The following RFTN1 variants were observed in gnomAD, a reference collection of about 807,000 sequenced individuals.
RFTN1 encodes raftlin.
In RFTN1, 26 loss-of-function variants were observed where a neutral mutation model predicts 46.5. That is an observed-to-expected ratio of 0.56 (90% CI 0.41 to 0.78). The LOEUF is 0.78. Among genes scored for constraint, RFTN1 ranks in the 30% least tolerant of loss-of-function variants. RFTN1 has a pLI of 0.00. For missense variants in RFTN1, 693 were observed against 718.7 expected (o/e 0.96, Z 0.41); for synonymous variants, 261 against 284.2 (o/e 0.92, Z 0.82).
chr3:16,371,029 C>A (rs2073478036), intron 5 of RFTN1: 1 of 152,242 alleles, frequency 6.6e-6, no homozygotes, highest in Non-Finnish European at 1.5e-5. Context: ...GCAGTAGCAG[C>A]CTCCAGAAGC....
Position 16,421,376 on chromosome 3 carries a change from G to A in RFTN1, c.333-11893C>T, listed in dbSNP as rs975823397. Among the ~76,000 whole-genome samples the A allele has an allele frequency of 4.0e-5, 6 of 151,120 alleles. No individual in the cohort carries two copies. Among genetic ancestry groups the A allele is most frequent in the Admixed American group, 3.3e-4 (5 of 15,202 alleles). On this transcript the variant is annotated intron_variant, in intron 3 of 9. Coordinates refer to ENST00000334133, the MANE Select transcript of RFTN1 (RefSeq NM_015150.2). This position sits in a 1 kb window ranked among gnomAD's most constrained non-coding sequence, Gnocchi z 4.6. ...TTTTTTTTCTTTTCTTTTTGAGATG[G>A]TGTCTCACTCTGTCGCCCAGGCTGG...
In RFTN1 at chr3:16,480,040, G is replaced by A. The variant is rs1226101524; in HGVS notation, c.145+13685C>T. Among the ~76,000 whole-genome samples the A allele has an allele frequency of 1.3e-5, 2 of 152,188 alleles. No individual in the cohort carries two copies. The highest frequency in any genetic ancestry group is 2.9e-5 in the Non-Finnish European group (2 of 68,040). ...TTTCAGACGCTGTTTCCTACATTGA[G>A]AGACCTTACTATCTTGTTCACCATT... On this transcript the variant is annotated intron_variant, in intron 2 of 9. Transcript: ENST00000334133. This position sits in a 1 kb window ranked among gnomAD's most constrained non-coding sequence, Gnocchi z 4.3.
At position 16,468,146 on chromosome 3, in the gene RFTN1, T is replaced by C. The variant is rs1192325258; in HGVS notation, c.145+25579A>G. Among the ~76,000 whole-genome samples the C allele has an allele frequency of 6.6e-6, 1 of 152,222 alleles. No homozygotes were observed. Among genetic ancestry groups the C allele is most frequent in the East Asian group, 1.9e-4 (1 of 5,200 alleles). On this transcript the variant is annotated intron_variant, in intron 2 of 9. Coordinates refer to ENST00000334133, the MANE Select transcript of RFTN1 (RefSeq NM_015150.2). This position sits in a 1 kb window ranked among gnomAD's most constrained non-coding sequence, Gnocchi z 4.4. Reference sequence around the variant, plus strand: ...GAATGATAACAGGGTGAGCTATATTTATATCCCACGGCTGGTGATGCCTCA... The same window carrying C: ...GAATGATAACAGGGTGAGCTATATTCATATCCCACGGCTGGTGATGCCTCA...
chr3:16,432,850 G>A (rs944187788), intron 3 of RFTN1, among the ~76,000 whole-genome samples: 1 of 152,150 alleles, frequency 6.6e-6, no homozygotes, highest in Non-Finnish European at 1.5e-5. Flanking sequence ...TGTAGAGTAA[G>A]AGCCCCAGAG....
rs1482857586 is a variant in RFTN1 at position 16,383,625 on chromosome 3, T to C, written c.442-5523A>G. ...ATGTCCAAAATGAATACCATGTTGC[T>C]AATGATAAGTGCGATATATACTCTA... is the stretch of plus-strand genomic sequence containing the variant. On this transcript the variant is annotated intron_variant, in intron 4 of 9. Coordinates refer to ENST00000334133, the MANE Select transcript of RFTN1 (RefSeq NM_015150.2). The surrounding 1 kb of genome is among the most constrained non-coding windows in gnomAD (Gnocchi z 4.0). Among the ~76,000 whole-genome samples, 1 of 152,240 alleles carries C rather than the reference T, an allele frequency of 6.6e-6. No homozygotes were observed. Among genetic ancestry groups the C allele is most frequent in the Non-Finnish European group, 1.5e-5 (1 of 68,042 alleles).
intron 7 of RFTN1, among the ~76,000 whole-genome samples, chr3:16,333,813 A>C (rs1159972239): frequency 6.6e-6 from 1 of 152,240 alleles, no homozygotes; most frequent in Admixed American, 6.5e-5. Flanking sequence ...AGATCACAGA[A>C]GATTCAAACA....
intron 7 of RFTN1, among the ~76,000 whole-genome samples, chr3:16,333,913 C>T (rs982471046): frequency 7.2e-5 from 11 of 152,222 alleles, no homozygotes; most frequent in African/African-American, 1.7e-4. Flanking sequence ...CGCCTGTAAT[C>T]CCAGCACTTT....
rs1269065863 is a variant in RFTN1 at position 16,351,276 on chromosome 3, G to A, written c.1146+6656C>T. On this transcript the variant is annotated intron_variant, in intron 7 of 9. Coordinates refer to ENST00000334133, the MANE Select transcript of RFTN1 (RefSeq NM_015150.2). The surrounding 1 kb of genome is among the most constrained non-coding windows in gnomAD (Gnocchi z 5.4). ...CGCCAAGGACTGTGTCCTTGATCCA[G>A]TCTGTTTGCCATTGAGACCAGTCAG... Among the ~76,000 whole-genome samples the A allele has an allele frequency of 6.6e-6, 1 of 152,190 alleles. No individual in the cohort carries two copies. Among genetic ancestry groups the A allele is most frequent in the African/African-American group, 2.4e-5 (1 of 41,438 alleles).
In RFTN1 at chr3:16,351,329, G is replaced by T. The variant is rs75859147; in HGVS notation, c.1146+6603C>A. ...GCCTCCATACATATGAAGCCTTCAG[G>T]GAAGCCAAGGCTGGAAGATCCCCAG... is the stretch of plus-strand genomic sequence containing the variant. On this transcript the variant is annotated intron_variant, in intron 7 of 9. Transcript: ENST00000334133. The surrounding 1 kb of genome is among the most constrained non-coding windows in gnomAD (Gnocchi z 5.4). Among the ~76,000 whole-genome samples the T allele has an allele frequency of 0.016, 2,366 of 152,244 alleles. 55 individuals are homozygous for T. The highest frequency in any genetic ancestry group is 0.055 in the African/African-American group (2,271 of 41,514).
At chr3:16,432,682 AAAAG>A in intron 3 of RFTN1, among the ~76,000 whole-genome samples, 2 of 152,296 alleles carry the variant, frequency 1.3e-5, no homozygotes, top group Admixed American at 1.3e-4. Flanking sequence ...ACAGAAAAAA[AAAAG>A]AGAGAGAGAG....
intron 4 of RFTN1, among the ~76,000 whole-genome samples, chr3:16,393,005 A>C (rs1310084275): frequency 6.6e-6 from 1 of 152,186 alleles, no homozygotes; most frequent in Admixed American, 6.5e-5. Flanking sequence ...TTGCTCTTTC[A>C]TTCTATAAAC....
intron 1 of RFTN1, among the ~76,000 whole-genome samples, chr3:16,495,303 G>C (rs1292914586): frequency 6.6e-6 from 1 of 152,236 alleles, no homozygotes; most frequent in Non-Finnish European, 1.5e-5. Flanking sequence ...CTGGGACAAA[G>C]CAGAAAAGAA....
At chr3:16,339,118 G>A (rs1000042990) in intron 7 of RFTN1, among the ~76,000 whole-genome samples, 1 of 152,228 alleles carries the variant, frequency 6.6e-6, no homozygotes, top group Admixed American at 6.5e-5. Context: ...CACTAAGGAA[G>A]GGATTGGGTA....
chr3:16,355,359 A>G (rs2072368823), intron 7 of RFTN1, among the ~76,000 whole-genome samples: 2 of 152,226 alleles, frequency 1.3e-5, no homozygotes, highest in Non-Finnish European at 2.9e-5. Flanking sequence ...CTTATTCCTC[A>G]CATTTCTGGA....
At position 16,391,869 on chromosome 3, in the gene RFTN1, GT is replaced by G. The variant is rs576052890; in HGVS notation, c.442-13768del. ...ATTCTAGTGCAAAGGTTTTTTTTTTGTTTTTTTTTTTTGTTTTTTTTTTTGT... is the reference window on the plus strand; with the variant it reads ...ATTCTAGTGCAAAGGTTTTTTTTTTGTTTTTTTTTTTGTTTTTTTTTTTGT... On this transcript the variant is annotated intron_variant, in intron 4 of 9. Transcript: ENST00000334133. Among the ~76,000 whole-genome samples, 256 of 57,774 alleles carry G rather than the reference GT, an allele frequency of 4.4e-3. 2 individuals are homozygous for G. The highest frequency in any genetic ancestry group is 8.0e-3 in the African/African-American group (221 of 27,562). The allele number at this position is 57,774 out of a possible 152,430, so 37.9% of individuals were successfully genotyped here.
At chr3:16,416,001 G>GA (rs926306093) in intron 3 of RFTN1, 2,609 of 247,502 alleles carry the variant, frequency 0.011, no homozygotes, top group South Asian at 0.021. Flanking sequence ...TTGGCTCCTT[G>GA]AAAAAAAAAA....
intron 6 of RFTN1, among the ~76,000 whole-genome samples, chr3:16,365,146 A>G (rs547668171): frequency 6.6e-6 from 1 of 152,272 alleles, no homozygotes; most frequent in South Asian, 2.1e-4. Context: ...CCTGCCTGTA[A>G]CCACTAGGCC....
At position 16,374,361 on chromosome 3, in the gene RFTN1, GA is replaced by G. The variant is rs1385343311; in HGVS notation, c.826+3356del. ...CTCAATAGCTGTTTGTTAATGGACT[GA>G]GTAAAAGGCCAGAAAGATGGCGGCA... On this transcript the variant is annotated intron_variant, in intron 5 of 9. Coordinates refer to ENST00000334133, the MANE Select transcript of RFTN1 (RefSeq NM_015150.2). The surrounding 1 kb of genome is among the most constrained non-coding windows in gnomAD (Gnocchi z 5.4). Among the ~76,000 whole-genome samples the G allele has an allele frequency of 1.3e-5, 2 of 152,226 alleles. No homozygotes were observed. Among genetic ancestry groups the G allele is most frequent in the African/African-American group, 4.8e-5 (2 of 41,462 alleles).
At chr3:16,434,111 C>T in intron 2 of RFTN1, 74 bp from the exon 3 acceptor site, 2 of 1,330,430 alleles carry the variant, frequency 1.5e-6, no homozygotes. Context: ...ACCCCTCTTC[C>T]CTTGCCCTCG....
Sources: allele counts gnomAD v4.1 joint callset (sites outside exome capture counted in the v4.1 genomes callset), GRCh38; gene constraint gnomAD v4.1.1; non-coding constraint Gnocchi (gnomAD v3.1); transcripts MANE v1.5; gene names NCBI Gene and HGNC (gene_info 2026-07-23, HGNC 2026-07-21).